The following SUGCT variants were observed in gnomAD, a reference collection of about 807,000 sequenced individuals.
The protein encoded by SUGCT is succinyl-CoA:glutarate-CoA transferase.
In SUGCT, 41 loss-of-function variants were observed where a neutral mutation model predicts 55.0. That is an observed-to-expected ratio of 0.74 (90% CI 0.58 to 0.97). SUGCT has a LOEUF of 0.97. Ranked by LOEUF, SUGCT falls within the 50% of genes least tolerant of loss-of-function variation. The pLI is 0.00. For synonymous variants in SUGCT, 187 were observed against 200.4 expected (o/e 0.93, Z 0.56); for missense variants, 568 against 547.8 (o/e 1.04, Z -0.37).
chr7:40,410,510 A>G (rs1786613716), intron 9 of SUGCT, among the ~76,000 whole-genome samples: 1 of 152,096 alleles, frequency 6.6e-6, no homozygotes, highest in Non-Finnish European at 1.5e-5. Context: ...TAATTATTAT[A>G]CCATTTTATA....
At chr7:41,027,567 C>A in the SUGCT span, among the ~76,000 whole-genome samples, 6 of 152,090 alleles carry the variant, frequency 3.9e-5, no homozygotes, top group Non-Finnish European at 1.5e-5. Flanking sequence ...GACAAATATG[C>A]AGGAAGTTTG....
chr7:40,564,784 C>T lies in SUGCT; in HGVS notation c.1089+68398C>T, dbSNP rs141062772. Among the ~76,000 whole-genome samples, 75 of 152,256 alleles carry T rather than the reference C, an allele frequency of 4.9e-4. 2 individuals are homozygous for T. The East Asian group carries it at 0.014, about 29-fold the overall frequency. On this transcript the variant is annotated intron_variant, in intron 12 of 13. Coordinates refer to ENST00000335693, the MANE Select transcript of SUGCT (RefSeq NM_001193313.2). ...CCACTGATAGAAGGAATCAGATCTCCCTAATGGCAACTTTCCCTTTCTGTT... is the reference window on the plus strand; with the variant it reads ...CCACTGATAGAAGGAATCAGATCTCTCTAATGGCAACTTTCCCTTTCTGTT...
the SUGCT span, among the ~76,000 whole-genome samples, chr7:40,918,039 G>C: frequency 6.6e-6 from 1 of 152,180 alleles, no homozygotes; most frequent in African/African-American, 2.4e-5. Flanking sequence ...AGAAAACCCA[G>C]TTAGAGGATC....
chr7:40,174,193 T>C (rs944989827), intron 1 of SUGCT, among the ~76,000 whole-genome samples: 2 of 152,128 alleles, frequency 1.3e-5, no homozygotes, highest in Non-Finnish European at 2.9e-5. Flanking sequence ...TGGCTAATTT[T>C]TGTATTTTTA....
chr7:40,161,960 G>A (rs1027855863), intron 1 of SUGCT, among the ~76,000 whole-genome samples: 3 of 151,514 alleles, frequency 2.0e-5, no homozygotes, highest in African/African-American at 7.3e-5. Context: ...GCAGTGGTGC[G>A]ATCTTGGCTC....
intron 12 of SUGCT, among the ~76,000 whole-genome samples, chr7:40,685,747 A>C (rs1335787761): frequency 6.6e-6 from 1 of 152,074 alleles, no homozygotes; most frequent in African/African-American, 2.4e-5. Flanking sequence ...TCATTTACAC[A>C]TAAGTTTTAG....
the SUGCT span, among the ~76,000 whole-genome samples, chr7:40,899,145 T>G: frequency 6.6e-6 from 1 of 152,170 alleles, no homozygotes; most frequent in Non-Finnish European, 1.5e-5. Context: ...CCTGCTGCTC[T>G]TCCTCTCGCT....
the SUGCT span, among the ~76,000 whole-genome samples, chr7:41,022,095 T>C: frequency 7.2e-5 from 11 of 152,284 alleles, no homozygotes; most frequent in East Asian, 2.1e-3. Flanking sequence ...TTCTGAGATG[T>C]AGAAAGCTCA....
intron 6 of SUGCT, 67 bp downstream of exon 6, chr7:40,195,127 A>G: frequency 6.9e-7 from 1 of 1,456,662 alleles, no homozygotes; most frequent in Non-Finnish European, 9.1e-7. Context: ...TATTGCTATA[A>G]GAAACCTTTT....
intron 9 of SUGCT, among the ~76,000 whole-genome samples, chr7:40,328,985 T>A (rs750569273): frequency 7.9e-5 from 12 of 152,182 alleles, no homozygotes; most frequent in Non-Finnish European, 1.8e-4. Context: ...CTGGTGGCTC[T>A]GTGTGGAGGT....
At chr7:40,411,509 G>A (rs1303787142) in intron 9 of SUGCT, among the ~76,000 whole-genome samples, 2 of 152,168 alleles carry the variant, frequency 1.3e-5, no homozygotes, top group Non-Finnish European at 2.9e-5. Flanking sequence ...AATGAAATAA[G>A]CCAAATAGAG....
At chr7:40,934,920 G>A in the SUGCT span, among the ~76,000 whole-genome samples, 1 of 152,120 alleles carries the variant, frequency 6.6e-6, no homozygotes, top group Non-Finnish European at 1.5e-5. Flanking sequence ...CACCCTCCAT[G>A]GGCTGCACCC....
intron 1 of SUGCT, chr7:40,153,133 A>G (rs1788669684): frequency 5.0e-6 from 1 of 201,106 alleles, no homozygotes; most frequent in African/African-American, 2.4e-5. Flanking sequence ...ATGTTAAAAA[A>G]AAGAGTTCAT....
intron 12 of SUGCT, chr7:40,499,112 T>G (rs1314449729): frequency 2.2e-6 from 1 of 456,590 alleles, no homozygotes; most frequent in Non-Finnish European, 4.4e-6. Flanking sequence ...AACGCACCAC[T>G]GGCGCGTGTG....
chr7:40,811,474 TC>T (rs1791411382), intron 13 of SUGCT, among the ~76,000 whole-genome samples: 1 of 152,160 alleles, frequency 6.6e-6, no homozygotes, highest in South Asian at 2.1e-4. Context: ...CTTGTAGAGC[TC>T]TTTTTTGTCC....
chr7:40,395,975 A>G (rs528817221), intron 9 of SUGCT, among the ~76,000 whole-genome samples: 1 of 152,310 alleles, frequency 6.6e-6, no homozygotes, highest in South Asian at 2.1e-4. Flanking sequence ...CAGCCTCTAT[A>G]AGGACTTTTT....
At chr7:40,432,948 C>G (rs138327793) in intron 9 of SUGCT, among the ~76,000 whole-genome samples, 1 of 151,762 alleles carries the variant, frequency 6.6e-6, no homozygotes, top group African/African-American at 2.4e-5. Context: ...CCTATGGATC[C>G]GCTTGATGGT....
chr7:40,182,026 C>T lies in SUGCT; in HGVS notation c.224C>T (p.Pro75Leu). The change falls in exon 3 of 14, where the codon CCA (proline) becomes CTA (leucine). Residue 75 changes from proline (P) to leucine (L), a missense_variant and splice_region_variant. Transcript: ENST00000335693. ...LGAEVIKVERPGAGDDTRTWG... is the reference protein window; with the variant it reads ...LGAEVIKVERLGAGDDTRTWG... The stretch of plus-strand genomic sequence containing the variant: ...GCAGAAGTTATAAAAGTGGAGAGAC[C>T]AGGTAAAGCTATTACTCCCTTTAAA... 1 of 1,573,972 alleles carries T rather than the reference C, an allele frequency of 6.4e-7. No homozygotes were observed. Among genetic ancestry groups the T allele is most frequent in the Non-Finnish European group, 8.7e-7 (1 of 1,152,774 alleles).
chr7:40,935,929 C>G, the SUGCT span, among the ~76,000 whole-genome samples: 21 of 152,230 alleles, frequency 1.4e-4, no homozygotes, highest in African/African-American at 5.1e-4. Flanking sequence ...TTTGAGAGAG[C>G]CTTCCTAGTA....
Sources: gnomAD v4.1 joint callset for allele counts (sites outside exome capture counted in the v4.1 genomes callset) on GRCh38, gnomAD v4.1.1 for gene constraint, MANE v1.5 for transcripts, NCBI Gene and HGNC (gene_info 2026-07-23, HGNC 2026-07-21) for gene names.